HTR7: variants seen among roughly 807,000 people sequenced by gnomAD.
HTR7 encodes the protein 5-hydroxytryptamine receptor 7, also known as 5-HT-7.
In HTR7, 16 loss-of-function variants were observed where a neutral mutation model predicts 34.0. That is an observed-to-expected ratio of 0.47 (90% CI 0.32 to 0.71). The LOEUF (loss-of-function observed/expected upper bound fraction) is 0.71, where lower values mean the gene tolerates loss of function less well. Among genes scored for constraint, HTR7 ranks in the 30% least tolerant of loss-of-function variants. The pLI is 0.04. For missense variants in HTR7, 504 were observed against 625.5 expected (o/e 0.81, Z 2.07); for synonymous variants, 265 against 260.2 (o/e 1.02, Z -0.18).
At chr10:90,851,285 T>G (rs888904937) in intron 1 of HTR7, among the ~76,000 whole-genome samples, 10 of 152,078 alleles carry the variant, frequency 6.6e-5, no homozygotes, top group African/African-American at 1.9e-4. Flanking sequence ...AAATATAAAA[T>G]TCCATACTCA....
intron 1 of HTR7, among the ~76,000 whole-genome samples, chr10:90,787,983 T>C (rs1179226919): frequency 6.6e-6 from 1 of 152,058 alleles, no homozygotes; most frequent in Non-Finnish European, 1.5e-5. Flanking sequence ...TCACAACCCC[T>C]GTAGGGTCCG....
intron 1 of HTR7, among the ~76,000 whole-genome samples, chr10:90,841,688 G>A (rs921431161): frequency 1.3e-5 from 2 of 152,124 alleles, no homozygotes; most frequent in African/African-American, 4.8e-5. Context: ...CACAAAGCCA[G>A]TGCCCCCTTG....
chr10:90,825,873 G>T (rs146956840), intron 1 of HTR7, among the ~76,000 whole-genome samples: 226 of 152,244 alleles, frequency 1.5e-3, no homozygotes, highest in African/African-American at 5.2e-3. Context: ...AAAATAGCAT[G>T]AAAGGGGCAA....
intron 1 of HTR7, among the ~76,000 whole-genome samples, chr10:90,847,236 T>A (rs1317448016): frequency 2.0e-5 from 3 of 152,068 alleles, no homozygotes; most frequent in Non-Finnish European, 4.4e-5. Flanking sequence ...GTAGAGGGGA[T>A]CAGTGGAGAT....
At chr10:90,785,995 C>T (rs1845374018) in intron 1 of HTR7, among the ~76,000 whole-genome samples, 1 of 152,184 alleles carries the variant, frequency 6.6e-6, no homozygotes, top group Non-Finnish European at 1.5e-5. Flanking sequence ...TGGGATGTGG[C>T]CTTTCTACAA....
At chr10:90,820,186 T>C (rs1049106063) in intron 1 of HTR7, among the ~76,000 whole-genome samples, 1 of 152,186 alleles carries the variant, frequency 6.6e-6, no homozygotes, top group African/African-American at 2.4e-5. Context: ...TCTAGGCTAG[T>C]CTGACAGTTG....
intron 1 of HTR7, among the ~76,000 whole-genome samples, chr10:90,855,415 T>C (rs1846563859): frequency 1.3e-5 from 2 of 152,214 alleles, no homozygotes; most frequent in Non-Finnish European, 2.9e-5. Flanking sequence ...AGGAGACAAA[T>C]TAGCACAAGG....
intron 1 of HTR7, among the ~76,000 whole-genome samples, chr10:90,828,404 C>G (rs758944761): frequency 1.6e-4 from 24 of 151,978 alleles, no homozygotes; most frequent in Non-Finnish European, 2.4e-4. Flanking sequence ...ATGCAAAAGA[C>G]CAACAAAATG....
intron 1 of HTR7, among the ~76,000 whole-genome samples, chr10:90,828,402 G>C (rs1456412860): frequency 6.6e-6 from 1 of 151,994 alleles, no homozygotes; most frequent in East Asian, 1.9e-4. Flanking sequence ...CCATGCAAAA[G>C]ACCAACAAAA....
At chr10:90,784,737 A>G (rs1845357070) in intron 1 of HTR7, among the ~76,000 whole-genome samples, 2 of 152,130 alleles carry the variant, frequency 1.3e-5, no homozygotes, top group South Asian at 4.2e-4. Flanking sequence ...GAGCCAACAC[A>G]CTCTCTAAGA....
chr10:90,764,728 A>G (rs892572692), intron 1 of HTR7, among the ~76,000 whole-genome samples: 20 of 152,108 alleles, frequency 1.3e-4, no homozygotes, highest in Non-Finnish European at 2.8e-4. Flanking sequence ...GTGCGAGTGG[A>G]CAACCCTGTC....
intron 1 of HTR7, among the ~76,000 whole-genome samples, chr10:90,799,322 C>T (rs962305475): frequency 6.7e-6 from 1 of 150,294 alleles, no homozygotes; most frequent in East Asian, 2.0e-4. Flanking sequence ...TCATGTTTCC[C>T]GCACAGCCGG....
chr10:90,851,221 T>C (rs924140676), intron 1 of HTR7, among the ~76,000 whole-genome samples: 22 of 152,110 alleles, frequency 1.4e-4, no homozygotes, highest in African/African-American at 7.2e-5. Flanking sequence ...ACAGAAATGA[T>C]GGCAGTCAGA....
At chr10:90,786,522 G>A (rs1421528618) in intron 1 of HTR7, among the ~76,000 whole-genome samples, 1 of 152,214 alleles carries the variant, frequency 6.6e-6, no homozygotes, top group Non-Finnish European at 1.5e-5. Context: ...AAAGTCATGA[G>A]ACCAGGGAAG....
In HTR7 at chr10:90,857,409, A is replaced by C; in HGVS notation, c.263T>G (p.Leu88Arg). 1.2e-6 allele frequency: 2 copies of C among 1,614,064 alleles called. No individual in the cohort carries two copies. Among genetic ancestry groups the C allele is most frequent in the Non-Finnish European group, 1.7e-6 (2 of 1,180,014 alleles). ...RVEKVVIGSI[L>R]TLITLLTIAG... Reference sequence around the variant, plus strand: ...GATCGTCAGCAGCGTGATGAGCGTCAGGATGGAGCCGATCACAACTTTCTC... The same window carrying C: ...GATCGTCAGCAGCGTGATGAGCGTCCGGATGGAGCCGATCACAACTTTCTC... The change falls in exon 1 of 4, where the codon CTG (leucine) becomes CGG (arginine). Residue 88 changes from leucine to arginine, a missense_variant. Physicochemically the swap from Leu to Arg is moderately radical, Grantham distance 102. Around this residue, in one of 4 missense-constraint regions of HTR7, gnomAD observed 154 missense variants for 248.8 expected, o/e 0.62. Transcript: ENST00000336152. The surrounding 1 kb of genome is among the most constrained non-coding windows in gnomAD (Gnocchi z 6.5).
intron 1 of HTR7, among the ~76,000 whole-genome samples, chr10:90,855,215 A>C (rs1245382101): frequency 2.0e-5 from 3 of 152,262 alleles, no homozygotes; most frequent in Non-Finnish European, 1.5e-5. Flanking sequence ...ATAAGAATAC[A>C]GTTAACAACA....
At chr10:90,771,766 G>T (rs1398705613) in intron 1 of HTR7, among the ~76,000 whole-genome samples, 1 of 152,160 alleles carries the variant, frequency 6.6e-6, no homozygotes, top group African/African-American at 2.4e-5. Flanking sequence ...ATCCAGGCTG[G>T]TAGCACAAGC....
intron 1 of HTR7, among the ~76,000 whole-genome samples, chr10:90,806,414 C>G (rs4350279): frequency 6.6e-6 from 1 of 151,788 alleles, no homozygotes; most frequent in Admixed American, 6.6e-5. Flanking sequence ...CTGGCCAACA[C>G]GGTGAAACCC....
At chr10:90,825,923 A>G (rs1056979079) in intron 1 of HTR7, among the ~76,000 whole-genome samples, 6 of 152,204 alleles carry the variant, frequency 3.9e-5, no homozygotes, top group African/African-American at 1.4e-4. Flanking sequence ...GTGGAGAGAG[A>G]GATAGGGATT....
Sources: gnomAD v4.1 joint callset for allele counts (sites outside exome capture counted in the v4.1 genomes callset) on GRCh38, gnomAD v4.1.1 for gene constraint, gnomAD v4.1.1 regional missense constraint, Gnocchi (gnomAD v3.1) non-coding constraint, MANE v1.5 for transcripts, NCBI Gene and HGNC (gene_info 2026-07-23, HGNC 2026-07-21) for gene names.